PTPN4: variants seen among roughly 807,000 people sequenced by gnomAD.
PTPN4 encodes protein tyrosine phosphatase non-receptor type 4.
In PTPN4, 49 loss-of-function variants were observed where a neutral mutation model predicts 135.5. The ratio of observed to expected loss-of-function variants is 0.36; its 90% confidence interval spans 0.29 to 0.46. The LOEUF (loss-of-function observed/expected upper bound fraction) is 0.46. PTPN4 is among the 20% of genes least tolerant of loss of function. The probability of loss-of-function intolerance (pLI) is 1.00; values close to 1 mark genes in which losing one functional copy is unlikely to be tolerated. For missense variants in PTPN4, 860 were observed against 1,101.0 expected (o/e 0.78, Z 3.10); for synonymous variants, 333 against 369.9 (o/e 0.90, Z 1.14).
chr2:119,946,287 A>G (rs991351310), intron 16 of PTPN4, 54 bp from the exon 17 acceptor site: 6 of 1,336,374 alleles, frequency 4.5e-6, no homozygotes, highest in Non-Finnish European at 6.3e-6. Context: ...ATATATCTGA[A>G]GAATAGATTT....
chr2:119,837,737 T>G (rs1458791704), intron 2 of PTPN4, among the ~76,000 whole-genome samples: 1 of 152,220 alleles, frequency 6.6e-6, no homozygotes, highest in Admixed American at 6.5e-5. Context: ...CCCAGACCTG[T>G]GACACCCTCT....
intron 2 of PTPN4, among the ~76,000 whole-genome samples, chr2:119,847,726 G>A (rs1281981442): frequency 6.6e-6 from 1 of 152,142 alleles, no homozygotes; most frequent in Non-Finnish European, 1.5e-5. Flanking sequence ...TTTTCAGCCT[G>A]AAGAACTTCC....
chr2:119,783,858 A>G (rs565316086), intron 1 of PTPN4, among the ~76,000 whole-genome samples: 13 of 152,346 alleles, frequency 8.5e-5, no homozygotes, highest in African/African-American at 3.1e-4. Context: ...GAGGAATTCA[A>G]ACAGGGTACA....
chr2:119,811,432 G>A (rs1676871037), intron 2 of PTPN4, among the ~76,000 whole-genome samples: 1 of 152,032 alleles, frequency 6.6e-6, no homozygotes, highest in Non-Finnish European at 1.5e-5. Flanking sequence ...AGGATTTAGT[G>A]TGCTTTTCTA....
intron 13 of PTPN4, among the ~76,000 whole-genome samples, chr2:119,929,674 C>T (rs1003190720): frequency 2.6e-5 from 4 of 152,130 alleles, no homozygotes; most frequent in Non-Finnish European, 4.4e-5. Flanking sequence ...GAAATTTCCA[C>T]ACTCAACAGG....
chr2:119,961,452 C>T (rs898434211), intron 23 of PTPN4, among the ~76,000 whole-genome samples: 2 of 152,150 alleles, frequency 1.3e-5, no homozygotes, highest in African/African-American at 4.8e-5. Flanking sequence ...AAACAGAACC[C>T]TCCTATTGTG....
At chr2:119,819,579 C>T (rs1677035628) in intron 2 of PTPN4, among the ~76,000 whole-genome samples, 1 of 152,114 alleles carries the variant, frequency 6.6e-6, no homozygotes. Flanking sequence ...CGAAATGGCC[C>T]TTGCTTTCCA....
intron 1 of PTPN4, among the ~76,000 whole-genome samples, chr2:119,764,224 T>C (rs1485228460): frequency 1.3e-5 from 2 of 152,196 alleles, no homozygotes; most frequent in African/African-American, 4.8e-5. Context: ...GCAAAAACAT[T>C]GTGTAACTCA....
chr2:119,911,105 G>T (rs1338352595), intron 10 of PTPN4, among the ~76,000 whole-genome samples: 2 of 152,118 alleles, frequency 1.3e-5, no homozygotes, highest in Non-Finnish European at 2.9e-5. Flanking sequence ...TAAAGTAGAA[G>T]TGAGGCCAAT....
At chr2:119,829,162 G>A (rs1466859160) in intron 2 of PTPN4, among the ~76,000 whole-genome samples, 1 of 152,096 alleles carries the variant, frequency 6.6e-6, no homozygotes, top group African/African-American at 2.4e-5. Context: ...TACTATGAGG[G>A]ATTTGTCCAT....
intron 2 of PTPN4, among the ~76,000 whole-genome samples, chr2:119,851,694 C>T (rs767241017): frequency 2.6e-5 from 4 of 152,214 alleles, no homozygotes; most frequent in Non-Finnish European, 4.4e-5. Flanking sequence ...TCACCCAACA[C>T]CTGAGATTTT....
chr2:119,855,553 G>T (rs758980521), intron 2 of PTPN4, among the ~76,000 whole-genome samples: 4 of 152,132 alleles, frequency 2.6e-5, no homozygotes, highest in African/African-American at 9.7e-5. Flanking sequence ...CCGTCTTTAG[G>T]ATAGTCATTT....
At chr2:119,760,732 C>CTTTTTTTT (rs1690471708) in intron 1 of PTPN4, among the ~76,000 whole-genome samples, 1 of 41,568 alleles carries the variant, frequency 2.4e-5, no homozygotes, top group African/African-American at 9.8e-5. Flanking sequence ...TGGTAGAATT[C>CTTTTTTTT]CTTTTTTTTT....
rs553728757 is a variant in PTPN4, at chr2:119,938,228, C to T, written c.1355+3270C>T. 9.3e-5 allele frequency among the ~76,000 whole-genome samples: 14 copies of T among 149,870 alleles called. 1 individual carries two copies. In the South Asian group the frequency reaches 1.9e-3, roughly 20 times the overall value. The stretch of plus-strand genomic sequence containing the variant: ...CTGCAAGCTCTACCTCCCGGGTTCA[C>T]GCCATTCTCCTGCCTTAGCCTCCCG... On this transcript the variant is annotated intron_variant, in intron 15 of 26. Transcript: ENST00000263708.
chr2:119,912,969 A>G (rs1042676611), intron 10 of PTPN4, among the ~76,000 whole-genome samples: 1 of 152,122 alleles, frequency 6.6e-6, no homozygotes, highest in African/African-American at 2.4e-5. Flanking sequence ...TTCTATTAAT[A>G]TTGAATGAGA....
chr2:119,782,020 G>T (rs1690948830), intron 1 of PTPN4, among the ~76,000 whole-genome samples: 1 of 152,046 alleles, frequency 6.6e-6, no homozygotes, highest in Non-Finnish European at 1.5e-5. Flanking sequence ...TTGGAAATTG[G>T]CAGTGATCGA....
At chr2:119,777,190 G>A (rs1247555194) in intron 1 of PTPN4, among the ~76,000 whole-genome samples, 1 of 152,044 alleles carries the variant, frequency 6.6e-6, no homozygotes, top group Admixed American at 6.5e-5. Context: ...CCTACTTCAG[G>A]TCTTCATGTT....
chr2:119,861,137 A>C (rs1677754713), intron 2 of PTPN4, among the ~76,000 whole-genome samples: 1 of 152,060 alleles, frequency 6.6e-6, no homozygotes, highest in Non-Finnish European at 1.5e-5. Flanking sequence ...CTGTCATAAC[A>C]TGACAGAGAA....
intron 11 of PTPN4, 48 bp from the exon 12 acceptor site, chr2:119,920,021 G>A (rs557564036): frequency 1.9e-6 from 3 of 1,557,134 alleles, no homozygotes; most frequent in South Asian, 2.5e-5. Flanking sequence ...TGGAGCATTA[G>A]ATCCTGACAT....
Sources: gnomAD v4.1 joint callset for allele counts (sites outside exome capture counted in the v4.1 genomes callset) on GRCh38, gnomAD v4.1.1 for gene constraint, MANE v1.5 for transcripts, NCBI Gene and HGNC (gene_info 2026-07-23, HGNC 2026-07-21) for gene names.